FLYWCH1: variants seen among roughly 807,000 people sequenced by gnomAD.
FLYWCH1 encodes the protein FLYWCH-type zinc finger 1, also known as FLYWCH-type zinc finger-containing protein 1.
In FLYWCH1, 75 loss-of-function variants were observed where a neutral mutation model predicts 66.4. That is an observed-to-expected ratio of 1.13 (90% CI 0.94 to 1.37). FLYWCH1 has a LOEUF of 1.37. Among genes scored for constraint, FLYWCH1 ranks in the 40% most tolerant of loss-of-function variants. The pLI is 0.00. For synonymous variants in FLYWCH1, 595 were observed against 429.9 expected (o/e 1.38, Z -4.75); for missense variants, 1,334 against 1,001.8 (o/e 1.33, Z -4.48).
chr16:2,925,589 A>AGGG (rs2070536369), intron 2 of FLYWCH1, among the ~76,000 whole-genome samples: 8 of 102,650 alleles, frequency 7.8e-5, no homozygotes, highest in Non-Finnish European at 1.1e-4. Flanking sequence ...GGAGGGGGGT[A>AGGG]CGGGGCTTTC....
rs749715704 is a variant in FLYWCH1 at position 2,929,697 on chromosome 16, C to T, written c.12C>T (p.Pro4=). The change falls in exon 3 of 10, where the codon CCC becomes CCT. Residue 4 remains proline, a synonymous_variant. Coordinates refer to ENST00000253928, the MANE Select transcript of FLYWCH1 (RefSeq NM_001308068.2). The stretch of plus-strand genomic sequence containing the variant: ...CCCTGGGTCCCGGGATGCCCCTGCC[C>T]GAGCCCAGCGAGCAGGAGGGCGAGA... MPL[P]EPSEQEGESV... 253 of 1,611,322 alleles carry T rather than the reference C, an allele frequency of 1.6e-4. 1 individual carries two copies. The highest frequency in any genetic ancestry group is 1.5e-4 in the Non-Finnish European group (172 of 1,178,836).
chr16:2,931,982 G>C (rs913019825), intron 4 of FLYWCH1, among the ~76,000 whole-genome samples: 2 of 152,008 alleles, frequency 1.3e-5, no homozygotes, highest in African/African-American at 4.8e-5. Context: ...GCCAGGCGTG[G>C]TAGCGGGCGC....
At chr16:2,944,781 C>T (rs1190420242) in intron 9 of FLYWCH1, among the ~76,000 whole-genome samples, 1 of 151,000 alleles carries the variant, frequency 6.6e-6, no homozygotes, top group African/African-American at 2.4e-5. Context: ...GAGATGGTGC[C>T]ACTGCCCTCC....
chr16:2,917,619 G>A (rs2070217165), intron 2 of FLYWCH1, among the ~76,000 whole-genome samples: 1 of 152,122 alleles, frequency 6.6e-6, no homozygotes, highest in South Asian at 2.1e-4. Context: ...AGGTATTTTA[G>A]TGCCCAGCAC....
chr16:2,933,749 G>T lies in FLYWCH1; in HGVS notation c.1283G>T (p.Gly428Val). 1 of 1,613,246 alleles carries T rather than the reference G, an allele frequency of 6.2e-7. No homozygotes were observed. Among genetic ancestry groups the T allele is most frequent in the Non-Finnish European group, 8.5e-7 (1 of 1,179,652 alleles). The change falls in exon 6 of 10, where the codon GGC becomes GTC. Residue 428 changes from glycine to valine, a missense_variant. By Grantham distance (109) the Gly-to-Val change is moderately radical. Transcript: ENST00000253928. The part of the protein sequence containing the change: ...GPEFLKTPLG[G>V]SFLVYESFLY... ...GAGTTCCTGAAGACGCCCCTGGGGG[G>T]CAGCTTCCTGGTGTACGAGTCCTTC... is the stretch of plus-strand genomic sequence containing the variant.
At chr16:2,931,610 T>C (rs1172941199) in intron 4 of FLYWCH1, among the ~76,000 whole-genome samples, 2 of 151,764 alleles carry the variant, frequency 1.3e-5, no homozygotes, top group African/African-American at 4.8e-5. Flanking sequence ...ACCTGGACCC[T>C]GTCTCAAAAA....
chr16:2,948,839 C>A lies in FLYWCH1; in HGVS notation c.*112C>A. ...TAGCAGAAACTTCTTTTCATTCTTC[C>A]AAAGCATCGATGGTCTTCGCGTCTC... On this transcript the variant is annotated 3_prime_UTR_variant, in exon 10 of 10. Coordinates refer to ENST00000253928, the MANE Select transcript of FLYWCH1 (RefSeq NM_001308068.2). 1.0e-6 allele frequency: 1 copy of A among 952,806 alleles called. No individual in the cohort carries two copies. Among genetic ancestry groups the A allele is most frequent in the Non-Finnish European group, 1.7e-6 (1 of 599,014 alleles). 59.0% of individuals were successfully genotyped at this position (952,806 alleles called of 1,614,324 possible).
At chr16:2,940,188 C>A in intron 9 of FLYWCH1, 96 bp downstream of exon 9, 1 of 697,770 alleles carries the variant, frequency 1.4e-6, no homozygotes, top group Non-Finnish European at 2.6e-6. Context: ...TTTTGTGGGT[C>A]AACATTATGG....
intron 6 of FLYWCH1, chr16:2,936,576 A>G (rs1180770907): frequency 4.4e-6 from 2 of 456,384 alleles, no homozygotes; most frequent in African/African-American, 4.0e-5. Context: ...GCCTGCACGG[A>G]GGAAAGGGTA....
intron 2 of FLYWCH1, among the ~76,000 whole-genome samples, chr16:2,923,749 C>T (rs1035962378): frequency 3.3e-5 from 5 of 152,002 alleles, no homozygotes; most frequent in Non-Finnish European, 5.9e-5. Flanking sequence ...ATTAAAAAGC[C>T]AGAATCGGCC....
intron 2 of FLYWCH1, among the ~76,000 whole-genome samples, chr16:2,920,438 C>A (rs975683254): frequency 6.6e-6 from 1 of 151,762 alleles, no homozygotes; most frequent in African/African-American, 2.4e-5. Flanking sequence ...TCGCTTGACC[C>A]AGGAGGCGGA....
intron 1 of FLYWCH1, among the ~76,000 whole-genome samples, chr16:2,912,559 G>C (rs1043109036): frequency 6.6e-6 from 1 of 152,220 alleles, no homozygotes; most frequent in African/African-American, 2.4e-5. Flanking sequence ...CTCCGGTGAC[G>C]GCTTTCGAAC....
intron 9 of FLYWCH1, 26 bp downstream of exon 9, chr16:2,940,118 G>A (rs752530923): frequency 9.6e-7 from 1 of 1,041,266 alleles, no homozygotes; most frequent in Non-Finnish European, 1.5e-6. Flanking sequence ...ATCTAATGGT[G>A]CATGACCAAT....
chr16:2,933,833 C>T lies in FLYWCH1; in HGVS notation c.1367C>T (p.Ala456Val), dbSNP rs1189900955. 19 of 1,608,788 alleles carry T rather than the reference C, an allele frequency of 1.2e-5. No individual in the cohort carries two copies. Among genetic ancestry groups the T allele is most frequent in the Middle Eastern group, 1.8e-4 (1 of 5,684 alleles). The change falls in exon 6 of 10, where the codon GCC becomes GTC. Residue 456 changes from alanine to valine, a missense_variant. Ala to Val is a moderately conservative substitution (Grantham distance 64). Transcript: ENST00000253928. The stretch of plus-strand genomic sequence containing the variant: ...GTGTATTGGACCTGCCGGGACCAGG[C>T]CCGCATGGGCTGCCGCAGCCGCGCC... Reference protein sequence around the residue: ...EKVYWTCRDQARMGCRSRAIT... With the variant: ...EKVYWTCRDQVRMGCRSRAIT...
intron 2 of FLYWCH1, among the ~76,000 whole-genome samples, chr16:2,927,966 G>A (rs1349142923): frequency 6.6e-6 from 1 of 152,224 alleles, no homozygotes; most frequent in Non-Finnish European, 1.5e-5. Flanking sequence ...GCAACAGGGT[G>A]ATGGTGGGGA....
chr16:2,938,543 C>G (rs2071118646), intron 8 of FLYWCH1, 87 bp downstream of exon 8: 1 of 1,262,104 alleles, frequency 7.9e-7, no homozygotes. Flanking sequence ...CAGGCACCCA[C>G]TGAGCAGACT....
intron 7 of FLYWCH1, 149 bp downstream of exon 7, chr16:2,937,533 A>G: frequency 5.1e-6 from 5 of 978,278 alleles, no homozygotes; most frequent in Non-Finnish European, 7.0e-6. Flanking sequence ...AGGAGGCTCC[A>G]TCTGCGGGCT....
intron 2 of FLYWCH1, among the ~76,000 whole-genome samples, chr16:2,915,899 C>G (rs1445787563): frequency 6.6e-6 from 1 of 151,996 alleles, no homozygotes; most frequent in Non-Finnish European, 1.5e-5. Context: ...CTGGCCTCTT[C>G]TACAGTGGCC....
At chr16:2,936,893 G>A (rs113530410) in intron 6 of FLYWCH1, 753 of 657,750 alleles carry the variant, frequency 1.1e-3, no homozygotes, top group Middle Eastern at 2.5e-3. Context: ...ACGCTTGGCC[G>A]CCACCTGCAG....
Sources: allele counts gnomAD v4.1 joint callset (sites outside exome capture counted in the v4.1 genomes callset), GRCh38; gene constraint gnomAD v4.1.1; transcripts MANE v1.5; gene names NCBI Gene and HGNC (gene_info 2026-07-23, HGNC 2026-07-21).